Variants in DPYD observed in about 807,000 individuals in gnomAD.
The protein encoded by DPYD is dihydropyrimidine dehydrogenase.
In DPYD, 109 loss-of-function variants were observed where a neutral mutation model predicts 116.2. The ratio of observed to expected loss-of-function variants is 0.94; its 90% CI spans 0.80 to 1.10. The LOEUF (loss-of-function observed/expected upper bound fraction) is 1.10, where lower values mean the gene tolerates loss of function less well. Ranked by LOEUF, DPYD falls within the 50% of genes least tolerant of loss-of-function variation. The pLI, the probability that DPYD is intolerant of heterozygous loss-of-function variation, is 0.00. For missense variants in DPYD, 1,302 were observed against 1,254.5 expected (o/e 1.04, Z -0.57); for synonymous variants, 440 against 432.0 (o/e 1.02, Z -0.23).
intron 16 of DPYD, among the ~76,000 whole-genome samples, chr1:97,336,636 G>A (rs1669298164): frequency 6.6e-6 from 1 of 152,144 alleles, no homozygotes; most frequent in Non-Finnish European, 1.5e-5. Context: ...TGTAGTCCCA[G>A]CTACTCAGAA....
chr1:97,916,683 C>A (rs1417326600), intron 1 of DPYD, among the ~76,000 whole-genome samples: 1 of 152,086 alleles, frequency 6.6e-6, no homozygotes, highest in Non-Finnish European at 1.5e-5. Flanking sequence ...ATTAATCTCC[C>A]AGATTTTAAT....
chr1:97,898,322 C>T (rs1259137733), intron 1 of DPYD, among the ~76,000 whole-genome samples: 1 of 151,846 alleles, frequency 6.6e-6, no homozygotes, highest in Admixed American at 6.6e-5. Context: ...GCTCTAGCCT[C>T]TCTGTTGTTC....
chr1:97,522,635 C>T (rs936561166), intron 12 of DPYD, among the ~76,000 whole-genome samples: 2 of 151,598 alleles, frequency 1.3e-5, no homozygotes, highest in Admixed American at 1.3e-4. Flanking sequence ...AGGAGAATGG[C>T]GTGAACCCGG....
intron 14 of DPYD, among the ~76,000 whole-genome samples, chr1:97,384,505 C>T (rs1020197681): frequency 4.6e-5 from 7 of 152,032 alleles, no homozygotes; most frequent in African/African-American, 1.7e-4. Flanking sequence ...TGAATGAGGT[C>T]ACCAGAGGTT....
intron 20 of DPYD, among the ~76,000 whole-genome samples, chr1:97,150,170 C>T (rs1557894464): frequency 6.6e-6 from 1 of 152,072 alleles, no homozygotes; most frequent in Non-Finnish European, 1.5e-5. Context: ...TCTCACAGAA[C>T]GCTTCCCTGA....
At chr1:97,723,093 TATTTTAG>T (rs67040266) in intron 4 of DPYD, among the ~76,000 whole-genome samples, 3,367 of 151,760 alleles carry the variant, frequency 0.022, 65 homozygotes, top group Non-Finnish European at 0.036. Flanking sequence ...ATCAAACTGA[TATTTTAG>T]AAGTAAATGA....
intron 18 of DPYD, among the ~76,000 whole-genome samples, chr1:97,278,343 A>T (rs1417587121): frequency 6.6e-6 from 1 of 152,212 alleles, no homozygotes; most frequent in African/African-American, 2.4e-5. Context: ...CTAATTTTTA[A>T]AAGTTACATT....
At chr1:97,429,535 C>T (rs923711394) in intron 14 of DPYD, among the ~76,000 whole-genome samples, 3 of 151,932 alleles carry the variant, frequency 2.0e-5, no homozygotes, top group African/African-American at 7.2e-5. Flanking sequence ...ATTGAAAACT[C>T]TGAGGTTCAA....
intron 3 of DPYD, among the ~76,000 whole-genome samples, chr1:97,807,969 T>C (rs1010459926): frequency 2.0e-5 from 3 of 152,144 alleles, no homozygotes; most frequent in Admixed American, 6.5e-5. Flanking sequence ...TTCCAGCTCA[T>C]TGATCGTGTC....
chr1:97,844,700 C>T (rs942148648), intron 2 of DPYD, among the ~76,000 whole-genome samples: 5 of 152,156 alleles, frequency 3.3e-5, no homozygotes, highest in African/African-American at 1.2e-4. Context: ...GGTGGGAGCC[C>T]CACACACTTC....
Position 97,792,559 on chromosome 1 carries a change from C to G in DPYD, c.233+35555G>C, listed in dbSNP as rs140916218. ...GCCACCGCGCCTGGCCGCTACTGAG[C>G]TCTTTAGTCTGCATCAGATCTTCTT... is the stretch of plus-strand genomic sequence containing the variant. On this transcript the variant is annotated intron_variant, in intron 3 of 22. Transcript: ENST00000370192. Among the ~76,000 whole-genome samples, 1,381 of 152,206 alleles carry G rather than the reference C, an allele frequency of 9.1e-3. 22 individuals carry two copies. The highest frequency in any genetic ancestry group is 0.031 in the African/African-American group (1,277 of 41,542).
chr1:97,892,473 G>A (rs1472156826), intron 1 of DPYD, among the ~76,000 whole-genome samples: 2 of 151,636 alleles, frequency 1.3e-5, no homozygotes, highest in African/African-American at 2.4e-5. Flanking sequence ...GAACTGATAC[G>A]GCCCATCTCC....
rs66598688 is a variant in DPYD at position 97,376,865 on chromosome 1, T to TTGTGTGTGTG, written c.1975-3231_1975-3222dup. 6.6e-4 allele frequency among the ~76,000 whole-genome samples: 89 copies of TTGTGTGTGTG among 134,436 alleles called. 1 individual carries two copies. Among genetic ancestry groups the TTGTGTGTGTG allele is most frequent in the African/African-American group, 1.7e-3 (61 of 36,630 alleles). The allele number at this position is 134,436 out of a possible 152,430, so 88.2% of individuals were successfully genotyped here. ...TCTATACACAGTAGAAAGAGAGAGT[T>TTGTGTGTGTG]TGTGTGTGTGTGTGTGTGTGTGTAT... On this transcript the variant is annotated intron_variant, in intron 15 of 22. Transcript: ENST00000370192.
At chr1:97,616,930 G>T (rs1273013263) in intron 8 of DPYD, among the ~76,000 whole-genome samples, 1 of 151,888 alleles carries the variant, frequency 6.6e-6, no homozygotes, top group Non-Finnish European at 1.5e-5. Context: ...TCTGTTGCCG[G>T]GCTGGAGTGC....
At chr1:97,396,970 T>G (rs1456989928) in intron 14 of DPYD, among the ~76,000 whole-genome samples, 1 of 152,062 alleles carries the variant, frequency 6.6e-6, no homozygotes, top group East Asian at 1.9e-4. Context: ...GATGTTTATT[T>G]ATATACTTCT....
chr1:97,374,695 G>GGT (rs369804659), intron 15 of DPYD, among the ~76,000 whole-genome samples: 2 of 124,366 alleles, frequency 1.6e-5, no homozygotes, highest in East Asian at 2.6e-4. Context: ...CTCCAGCCTG[G>GGT]GAAAGAGCAA....
intron 1 of DPYD, among the ~76,000 whole-genome samples, chr1:97,889,796 T>C (rs1251084459): frequency 1.3e-5 from 2 of 151,884 alleles, no homozygotes; most frequent in African/African-American, 4.8e-5. Context: ...AAGAGCAAAA[T>C]ACACATTCTT....
At chr1:97,717,064 T>C (rs563384528) in intron 5 of DPYD, among the ~76,000 whole-genome samples, 2 of 152,080 alleles carry the variant, frequency 1.3e-5, no homozygotes, top group East Asian at 1.9e-4. Context: ...CAAGCATTTG[T>C]CATTTATTTG....
At chr1:97,685,777 G>A (rs1440966514) in intron 7 of DPYD, among the ~76,000 whole-genome samples, 1 of 152,024 alleles carries the variant, frequency 6.6e-6, no homozygotes, top group East Asian at 1.9e-4. Context: ...AACTAACAAG[G>A]AAAGTGAAAA....
Sources: gnomAD v4.1 joint callset for allele counts (sites outside exome capture counted in the v4.1 genomes callset) on GRCh38, gnomAD v4.1.1 for gene constraint, MANE v1.5 for transcripts, NCBI Gene and HGNC (gene_info 2026-07-23, HGNC 2026-07-21) for gene names.